Variants in SLC22A2 observed in about 807,000 individuals in gnomAD.
The protein encoded by SLC22A2 is solute carrier family 22 member 2.
SLC22A2 carries 46 observed loss-of-function variants against 60.5 expected under a neutral mutation model. The ratio of observed to expected loss-of-function variants is 0.76; its 90% CI spans 0.60 to 0.97. The LOEUF (loss-of-function observed/expected upper bound fraction) is 0.97, where lower values mean the gene tolerates loss of function less well. Among genes scored for constraint, SLC22A2 ranks in the 50% least tolerant of loss-of-function variants. The pLI, the probability that SLC22A2 is intolerant of heterozygous loss-of-function variation, is 0.00. For missense variants in SLC22A2, 701 were observed against 706.6 expected (o/e 0.99, Z 0.09); for synonymous variants, 303 against 267.0 (o/e 1.13, Z -1.31).
At chr6:160,256,146 A>G (rs1271553386) in intron 2 of SLC22A2, among the ~76,000 whole-genome samples, 1 of 151,702 alleles carries the variant, frequency 6.6e-6, no homozygotes, top group Admixed American at 6.6e-5. Flanking sequence ...CCAATTCAGG[A>G]CTCTTGCAAT....
intron 10 of SLC22A2, among the ~76,000 whole-genome samples, chr6:160,222,982 G>A (rs535671856): frequency 6.6e-6 from 1 of 152,284 alleles, no homozygotes; most frequent in South Asian, 2.1e-4. Context: ...CCTCCGCTCG[G>A]ATTCAAAGGC....
intron 2 of SLC22A2, among the ~76,000 whole-genome samples, chr6:160,254,761 A>G (rs962344628): frequency 2.6e-5 from 4 of 152,182 alleles, no homozygotes; most frequent in African/African-American, 9.7e-5. Context: ...ACTTACCTTG[A>G]CAGAGGGGAT....
At chr6:160,254,168 C>T (rs1213850935) in intron 2 of SLC22A2, among the ~76,000 whole-genome samples, 1 of 152,148 alleles carries the variant, frequency 6.6e-6, no homozygotes, top group Non-Finnish European at 1.5e-5. Flanking sequence ...ATCCCAGCTA[C>T]TCAGGAGGCT....
At chr6:160,221,322 T>C (rs867804844) in intron 10 of SLC22A2, among the ~76,000 whole-genome samples, 37 of 152,250 alleles carry the variant, frequency 2.4e-4, no homozygotes, top group African/African-American at 8.2e-4. Context: ...CTTCATATAA[T>C]GGAAAAGAGT....
chr6:160,217,410 A>G lies in SLC22A2; in HGVS notation c.*22T>C, dbSNP rs758518577. 21 of 1,531,232 alleles carry G rather than the reference A, an allele frequency of 1.4e-5. No individual in the cohort carries two copies. The highest frequency in any genetic ancestry group is 1.9e-5 in the Non-Finnish European group (21 of 1,107,314). The allele number at this position is 1,531,232 out of a possible 1,614,324, so 94.9% of individuals were successfully genotyped here. ...TTGCTGCCATCAAAGCTAGGTCATG[A>G]CAGCAGCAACGGTCTCTCTTCTTAG... On this transcript the variant is annotated 3_prime_UTR_variant, in exon 11 of 11. Transcript: ENST00000366953.
At chr6:160,222,800 C>T (rs1017374108) in intron 10 of SLC22A2, among the ~76,000 whole-genome samples, 1 of 152,202 alleles carries the variant, frequency 6.6e-6, no homozygotes, top group Non-Finnish European at 1.5e-5. Flanking sequence ...TCATTCAGCT[C>T]CTACAAATTG....
intron 9 of SLC22A2, among the ~76,000 whole-genome samples, chr6:160,235,936 G>T (rs1782903340): frequency 6.6e-6 from 1 of 152,130 alleles, no homozygotes; most frequent in Non-Finnish European, 1.5e-5. Flanking sequence ...AATGGTATGT[G>T]TTCCAAAATT....
intron 9 of SLC22A2, among the ~76,000 whole-genome samples, chr6:160,240,427 G>A (rs775219777): frequency 7.9e-5 from 12 of 152,098 alleles, no homozygotes; most frequent in African/African-American, 9.7e-5. Context: ...TTATCAGTGT[G>A]GAATCAGCAG....
Position 160,251,667 on chromosome 6 carries a change from C to G in SLC22A2, c.519-965G>C, listed in dbSNP as rs564418704. ...ATTTAAAAAAATTCTTCACAGAAAA[C>G]AATGTTTATTTAATCTTTGTCTTTC... On this transcript the variant is annotated intron_variant, in intron 2 of 10. Transcript: ENST00000366953. 5.9e-5 allele frequency among the ~76,000 whole-genome samples: 9 copies of G among 152,300 alleles called. 1 individual carries two copies. The South Asian group carries it at 1.9e-3, about 32-fold the overall frequency.
rs1468615669 is a variant in SLC22A2 at position 160,217,518 on chromosome 6, T to C, written c.1602-20A>G. ...CTTGGTCTGCAATAAGAAATAAAAATGGAGAGGGGAGAAAGAAATTATGAG... is the reference window on the plus strand; with the variant it reads ...CTTGGTCTGCAATAAGAAATAAAAACGGAGAGGGGAGAAAGAAATTATGAG... On this transcript the variant is annotated intron_variant, in intron 10 of 10. Coordinates refer to ENST00000366953, the MANE Select transcript of SLC22A2 (RefSeq NM_003058.4). 6 of 1,389,118 alleles carry C rather than the reference T, an allele frequency of 4.3e-6. No homozygotes were observed. The highest frequency in any genetic ancestry group is 1.8e-4 in the Middle Eastern group (1 of 5,570). 86.0% of individuals were successfully genotyped at this position (1,389,118 alleles called of 1,614,324 possible).
At chr6:160,241,341 ACAT>A (rs1404117268) in intron 9 of SLC22A2, 130 bp downstream of exon 9, 1 of 605,560 alleles carries the variant, frequency 1.7e-6, no homozygotes, top group Non-Finnish European at 2.9e-6. Context: ...AGCCACAGAC[ACAT>A]CATTACTACT....
intron 2 of SLC22A2, among the ~76,000 whole-genome samples, chr6:160,252,342 A>G (rs1343748533): frequency 1.3e-5 from 2 of 152,224 alleles, no homozygotes; most frequent in East Asian, 3.8e-4. Flanking sequence ...GTAGATGGAC[A>G]AAATCTTTTA....
intron 9 of SLC22A2, among the ~76,000 whole-genome samples, chr6:160,233,213 C>G (rs1583393545): frequency 6.6e-6 from 1 of 151,990 alleles, no homozygotes; most frequent in South Asian, 2.1e-4. Flanking sequence ...TAGACACTTT[C>G]ACTGGATGGG....
In SLC22A2 at chr6:160,258,355, T is replaced by C. The variant is rs748283994; in HGVS notation, c.403A>G (p.Ile135Val). 2.5e-6 allele frequency: 4 copies of C among 1,609,280 alleles called. No individual in the cohort carries two copies. Among genetic ancestry groups the C allele is most frequent in the Non-Finnish European group, 3.4e-6 (4 of 1,177,710 alleles). The change falls in exon 1 of 11, where the codon ATC (isoleucine) becomes GTC (valine). Residue 135 changes from isoleucine to valine, a missense_variant. Ile to Val is a conservative substitution (Grantham distance 29). Coordinates refer to ENST00000366953, the MANE Select transcript of SLC22A2 (RefSeq NM_003058.4). ...GWVYETPGSS[I>V]VTEFNLVCAN... Reference sequence around the variant, plus strand: ...GCTCACTCTCTTACCTCGGTGACGATGGACGAGCCAGGCGTCTCGTACACC... The same window carrying C: ...GCTCACTCTCTTACCTCGGTGACGACGGACGAGCCAGGCGTCTCGTACACC...
rs762968976 is a variant in SLC22A2 at position 160,249,361 on chromosome 6, A to G, written c.697T>C (p.Tyr233His). Residue 233 changes from tyrosine to histidine, a missense_variant, in exon 4 of 11, where the codon TAT becomes CAT. By Grantham distance (83) the Tyr-to-His change is moderately conservative. Coordinates refer to ENST00000366953, the MANE Select transcript of SLC22A2 (RefSeq NM_003058.4). ...TAAAAAATCCCCACTGTTCTCCGAT[A>G]TCTCCGCCCAACAAATTCTGTAACT... ...ILITEFVGRRYRRTVGIFYQV... is the reference protein window; with the variant it reads ...ILITEFVGRRHRRTVGIFYQV... 2.4e-5 allele frequency: 38 copies of G among 1,613,498 alleles called. No homozygotes were observed. The highest frequency in any genetic ancestry group is 3.1e-5 in the Non-Finnish European group (37 of 1,179,800).
chr6:160,231,050 C>T (rs1261906722), intron 9 of SLC22A2, among the ~76,000 whole-genome samples: 2 of 151,790 alleles, frequency 1.3e-5, no homozygotes, highest in African/African-American at 2.4e-5. Flanking sequence ...AGGGTAAGTC[C>T]GTCCCCTTCT....
intron 9 of SLC22A2, among the ~76,000 whole-genome samples, chr6:160,237,803 A>G (rs1283810073): frequency 2.0e-5 from 3 of 152,326 alleles, no homozygotes; most frequent in African/African-American, 7.2e-5. Context: ...CACAAGATAC[A>G]GGTCATAAAG....
intron 3 of SLC22A2, 122 bp from the exon 4 acceptor site, chr6:160,249,506 C>T: frequency 1.4e-6 from 1 of 722,250 alleles, no homozygotes; most frequent in Non-Finnish European, 2.4e-6. Context: ...TTCTACGCAA[C>T]TCTCTGAATA....
chr6:160,224,566 C>T, intron 10 of SLC22A2, 139 bp downstream of exon 10: 1 of 455,628 alleles, frequency 2.2e-6, no homozygotes, highest in East Asian at 3.2e-5. Context: ...TTTTTTGATG[C>T]TTTCAAGTCT....
Sources: allele counts gnomAD v4.1 joint callset (sites outside exome capture counted in the v4.1 genomes callset), GRCh38; gene constraint gnomAD v4.1.1; transcripts MANE v1.5; gene names NCBI Gene and HGNC (gene_info 2026-07-23, HGNC 2026-07-21).